The following TMIGD3 variants were observed in gnomAD, a reference collection of about 807,000 sequenced individuals.
The protein encoded by TMIGD3 is transmembrane and immunoglobulin domain containing 3.
In TMIGD3, 21 loss-of-function variants were observed where a neutral mutation model predicts 28.1. That is an observed-to-expected ratio of 0.75 (90% confidence interval 0.53 to 1.08). The LOEUF is 1.08. TMIGD3 is among the 50% of genes least tolerant of loss of function. TMIGD3 has a pLI of 0.00. For synonymous variants in TMIGD3, 151 were observed against 162.1 expected, an observed-to-expected ratio of 0.93 and a Z score of 0.52; for missense variants, 416 against 435.6, an observed-to-expected ratio of 0.96 and a Z score of 0.40.
chr1:111,512,912 A>G (rs1297907523), intron 1 of TMIGD3, among the ~76,000 whole-genome samples: 1 of 152,192 alleles, frequency 6.6e-6, no homozygotes, highest in Non-Finnish European at 1.5e-5. Context: ...CCAGCTTTAG[A>G]AATAGGAAGT....
chr1:111,486,221 A>T (rs1223005349), intron 4 of TMIGD3, among the ~76,000 whole-genome samples: 1 of 152,196 alleles, frequency 6.6e-6, no homozygotes, highest in African/African-American at 2.4e-5. Context: ...GGAAACACAC[A>T]GATTCGAAGC....
intron 1 of TMIGD3, among the ~76,000 whole-genome samples, chr1:111,520,004 T>C (rs529935183): frequency 2.0e-5 from 3 of 152,328 alleles, no homozygotes; most frequent in African/African-American, 7.2e-5. Context: ...CCTTTTTCTC[T>C]TCTTTGCTGG....
intron 1 of TMIGD3, among the ~76,000 whole-genome samples, chr1:111,548,063 C>T (rs1368579884): frequency 6.6e-6 from 1 of 152,202 alleles, no homozygotes; most frequent in Non-Finnish European, 1.5e-5. Context: ...CTCTGTTGCC[C>T]AGGCTGGTGT....
At chr1:111,507,257 AT>A (rs1166077691), upstream of TMIGD3, among the ~76,000 whole-genome samples, 16 of 148,756 alleles carry the variant, frequency 1.1e-4, no homozygotes, top group South Asian at 4.3e-4. Flanking sequence ...CCCCACCTCT[AT>A]TTTTTTTTTA....
intron 1 of TMIGD3, among the ~76,000 whole-genome samples, chr1:111,526,224 T>C (rs1656256073): frequency 6.6e-6 from 1 of 152,200 alleles, no homozygotes; most frequent in African/African-American, 2.4e-5. Flanking sequence ...TTTTACTATG[T>C]CCTCACCCAA....
rs765795699 is a variant in TMIGD3 at position 111,490,644 on chromosome 1, C to T, written c.457+12G>A. The T allele has an allele frequency of 1.3e-6, 2 of 1,597,818 alleles. No individual in the cohort carries two copies. The highest frequency in any genetic ancestry group is 1.3e-5 in the African/African-American group (1 of 74,610). ...GCTTAAAGGGCTGGAGCTGTTCCGT[C>T]CCCCATCCTACCTGAAATGAGAGCC... On this transcript the variant is annotated intron_variant, in intron 2 of 5. Transcript: ENST00000369716.
At chr1:111,498,842 T>C (rs1292576676) in intron 1 of TMIGD3, among the ~76,000 whole-genome samples, 1 of 152,162 alleles carries the variant, frequency 6.6e-6, no homozygotes, top group Non-Finnish European at 1.5e-5. Flanking sequence ...TCCCAACACT[T>C]TGGCAAGGCC....
chr1:111,509,479 A>G (rs1182309327), intron 1 of TMIGD3, among the ~76,000 whole-genome samples: 3 of 151,980 alleles, frequency 2.0e-5, no homozygotes, highest in Non-Finnish European at 4.4e-5. Context: ...AAGACTTTGG[A>G]TCCCGGTGTT....
At chr1:111,517,664 G>C (rs1183933575) in intron 1 of TMIGD3, among the ~76,000 whole-genome samples, 1 of 152,166 alleles carries the variant, frequency 6.6e-6, no homozygotes, top group Non-Finnish European at 1.5e-5. Flanking sequence ...AAGTGAGACT[G>C]AAAGAGGTTA....
chr1:111,513,736 C>T (rs1655767599), intron 1 of TMIGD3, among the ~76,000 whole-genome samples: 1 of 152,160 alleles, frequency 6.6e-6, no homozygotes, highest in Non-Finnish European at 1.5e-5. Context: ...CTCCCTCCCT[C>T]TACCCCACCC....
chr1:111,555,362 TAAAAAAA>T (rs397981230), intron 1 of TMIGD3, among the ~76,000 whole-genome samples: 3 of 47,650 alleles, frequency 6.3e-5, no homozygotes, highest in Non-Finnish European at 9.8e-5. Flanking sequence ...TGAGACTCTG[TAAAAAAA>T]AAAAAAAAAA....
At chr1:111,486,712 T>C in intron 3 of TMIGD3, 60 bp from the exon 4 acceptor site, 2 of 1,370,106 alleles carry the variant, frequency 1.5e-6, no homozygotes, top group Non-Finnish European at 2.1e-6. Flanking sequence ...TACCTCTGCC[T>C]CCCAGCTGCA....
intron 1 of TMIGD3, among the ~76,000 whole-genome samples, chr1:111,555,474 C>G (rs1657452667): frequency 6.8e-6 from 1 of 146,526 alleles, no homozygotes; most frequent in Non-Finnish European, 1.5e-5. Flanking sequence ...ACTCTGTGGA[C>G]AGGTTAAATA....
At chr1:111,545,979 A>G (rs1657020719) in intron 1 of TMIGD3, among the ~76,000 whole-genome samples, 1 of 152,178 alleles carries the variant, frequency 6.6e-6, no homozygotes, top group African/African-American at 2.4e-5. Context: ...GTTAGTCTAT[A>G]TGTCTAGCCT....
intron 1 of TMIGD3, among the ~76,000 whole-genome samples, chr1:111,493,275 G>A (rs1273632413): frequency 2.0e-5 from 3 of 152,092 alleles, no homozygotes; most frequent in Non-Finnish European, 4.4e-5. Flanking sequence ...TCATGGGGGT[G>A]GATCCCTCAT....
intron 1 of TMIGD3, among the ~76,000 whole-genome samples, chr1:111,494,166 G>A (rs1654785856): frequency 6.6e-6 from 1 of 152,172 alleles, no homozygotes; most frequent in African/African-American, 2.4e-5. Context: ...AAGCCAGAAA[G>A]CCAAACAATG....
At chr1:111,563,762 G>A (rs17027995) in intron 1 of TMIGD3, 6 of 973,234 alleles carry the variant, frequency 6.2e-6, no homozygotes, top group African/African-American at 1.6e-5. Context: ...CCCATATCAT[G>A]AATAAATGTT....
At position 111,503,259 on chromosome 1, in the gene TMIGD3, C is replaced by T. The variant is rs750242143; in HGVS notation, c.96G>A (p.Leu32=). 2 of 1,614,210 alleles carry T rather than the reference C, an allele frequency of 1.2e-6. No individual in the cohort carries two copies. The highest frequency in any genetic ancestry group is 1.7e-6 in the Non-Finnish European group (2 of 1,180,032). Residue 32 remains leucine (L), a synonymous_variant, in exon 1 of 6, where the codon CTG becomes CTA. Coordinates refer to ENST00000369716, the MANE Select transcript of TMIGD3 (RefSeq NM_020683.7). ...GGTTCAGCTTGACCACGCAGATGACCAGCACGTTGCCCACTATGGCGCAGA... is the reference window on the plus strand; with the variant it reads ...GGTTCAGCTTGACCACGCAGATGACTAGCACGTTGCCCACTATGGCGCAGA... ...IGLCAIVGNV[L]VICVVKLNPS... is the part of the protein sequence containing the mutation.
At chr1:111,490,950 G>A (rs1255613394) in intron 1 of TMIGD3, among the ~76,000 whole-genome samples, 188 bp from the exon 2 acceptor site, 1 of 152,214 alleles carries the variant, frequency 6.6e-6, no homozygotes, top group Non-Finnish European at 1.5e-5. Flanking sequence ...AAAATTCTGG[G>A]CAGTAGAGAT....
Sources: gnomAD v4.1 joint callset for allele counts (sites outside exome capture counted in the v4.1 genomes callset) on GRCh38, gnomAD v4.1.1 for gene constraint, MANE v1.5 for transcripts, NCBI Gene and HGNC (gene_info 2026-07-23, HGNC 2026-07-21) for gene names.